EXOC4: variants seen among roughly 807,000 people sequenced by gnomAD.
The protein encoded by EXOC4 is exocyst complex component 4, also known as SEC8-like 1.
Under a neutral mutation model 107.2 loss-of-function variants are expected in EXOC4, and 71 were observed. The ratio of observed to expected loss-of-function variants is 0.66; its 90% CI spans 0.55 to 0.81. The LOEUF is 0.81. Ranked by LOEUF, EXOC4 falls within the 30% of genes least tolerant of loss-of-function variation. The probability of loss-of-function intolerance (pLI) is 0.00; values close to 1 mark genes in which losing one functional copy is unlikely to be tolerated. For synonymous variants in EXOC4, 456 were observed against 441.2 expected, an observed-to-expected ratio of 1.03 and a Z score of -0.42; for missense variants, 1,108 against 1,189.6, an observed-to-expected ratio of 0.93 and a Z score of 1.01.
chr7:133,557,154 T>C (rs935227345), intron 9 of EXOC4, among the ~76,000 whole-genome samples: 1 of 152,176 alleles, frequency 6.6e-6, no homozygotes, highest in Non-Finnish European at 1.5e-5. Context: ...TTTCTTTAAC[T>C]AGCTATTAGA....
At chr7:133,868,002 C>A (rs1205135507) in intron 11 of EXOC4, among the ~76,000 whole-genome samples, 2 of 152,292 alleles carry the variant, frequency 1.3e-5, no homozygotes, top group African/African-American at 4.8e-5. Flanking sequence ...TTGCCAAGAA[C>A]ACAGAAGGTA....
chr7:133,445,529 A>G (rs557767693), intron 7 of EXOC4, among the ~76,000 whole-genome samples: 2 of 152,292 alleles, frequency 1.3e-5, no homozygotes, highest in African/African-American at 4.8e-5. Context: ...CCTTGGCCCC[A>G]TGTTAGATTC....
chr7:133,261,319 C>G (rs184019337), intron 1 of EXOC4, among the ~76,000 whole-genome samples: 1 of 148,902 alleles, frequency 6.7e-6, no homozygotes, highest in Admixed American at 6.7e-5. Flanking sequence ...CAGGCTGGAG[C>G]GCAGTAGTGT....
intron 9 of EXOC4, among the ~76,000 whole-genome samples, chr7:133,503,559 A>G (rs921694211): frequency 2.6e-5 from 4 of 152,168 alleles, no homozygotes; most frequent in Non-Finnish European, 4.4e-5. Flanking sequence ...TTGGGGAAAA[A>G]GGAAGAAAAC....
At chr7:133,869,737 C>G (rs372235299) in intron 11 of EXOC4, among the ~76,000 whole-genome samples, 1 of 152,118 alleles carries the variant, frequency 6.6e-6, no homozygotes, top group Non-Finnish European at 1.5e-5. Flanking sequence ...TTAAGGGGCA[C>G]GAGGGAACAG....
chr7:133,489,356 TAAG>T (rs1396970430), intron 9 of EXOC4, among the ~76,000 whole-genome samples: 2 of 152,208 alleles, frequency 1.3e-5, no homozygotes, highest in African/African-American at 2.4e-5. Context: ...AACAATTTTT[TAAG>T]AAGCCTCTTA....
intron 1 of EXOC4, among the ~76,000 whole-genome samples, chr7:133,259,602 A>G (rs888139526): frequency 3.3e-5 from 5 of 152,258 alleles, no homozygotes; most frequent in African/African-American, 9.6e-5. Context: ...AAATCACTCT[A>G]TTGTTTTAAA....
intron 10 of EXOC4, among the ~76,000 whole-genome samples, chr7:133,731,040 G>A (rs1331345180): frequency 6.6e-6 from 1 of 152,076 alleles, no homozygotes; most frequent in East Asian, 1.9e-4. Context: ...TAAAACTATA[G>A]ATTACATTTA....
intron 10 of EXOC4, among the ~76,000 whole-genome samples, chr7:133,713,304 G>A (rs1378094532): frequency 6.6e-6 from 1 of 152,138 alleles, no homozygotes; most frequent in Non-Finnish European, 1.5e-5. Context: ...TATGGACCAT[G>A]TTCATTCCTA....
At chr7:134,071,212 G>A (rs1008893002), downstream of EXOC4, among the ~76,000 whole-genome samples, 7 of 152,076 alleles carry the variant, frequency 4.6e-5, no homozygotes, top group African/African-American at 1.4e-4. Flanking sequence ...ACTAAGGCTC[G>A]GATTAAGGGC....
chr7:133,677,868 A>AT (rs1794099430), intron 10 of EXOC4, among the ~76,000 whole-genome samples: 1 of 152,122 alleles, frequency 6.6e-6, no homozygotes, highest in Non-Finnish European at 1.5e-5. Context: ...TGGTAGATAT[A>AT]TTTGAGAGAC....
intron 10 of EXOC4, among the ~76,000 whole-genome samples, chr7:133,697,220 T>C (rs1794555395): frequency 1.3e-5 from 2 of 152,206 alleles, no homozygotes; most frequent in Admixed American, 1.3e-4. Flanking sequence ...ATATATCATA[T>C]TCTTCCTTTT....
chr7:133,538,363 C>G (rs940479245), intron 9 of EXOC4, among the ~76,000 whole-genome samples: 2 of 152,122 alleles, frequency 1.3e-5, no homozygotes, highest in South Asian at 2.1e-4. Context: ...CCTTTCCATC[C>G]GTAGCTTGAC....
chr7:133,518,190 T>C (rs1799915426), intron 9 of EXOC4, among the ~76,000 whole-genome samples: 1 of 152,004 alleles, frequency 6.6e-6, no homozygotes. Flanking sequence ...CCAGATTTGA[T>C]GGGTGGAGAA....
intron 10 of EXOC4, among the ~76,000 whole-genome samples, chr7:133,724,698 A>G (rs1447207197): frequency 1.3e-5 from 2 of 152,240 alleles, no homozygotes; most frequent in African/African-American, 4.8e-5. Context: ...CTCATTAAGA[A>G]AGGGATCTCT....
At chr7:133,787,955 TTATATATTTATATATATATA>T (rs1296330369) in intron 10 of EXOC4, among the ~76,000 whole-genome samples, 85 of 31,644 alleles carry the variant, frequency 2.7e-3, no homozygotes, top group East Asian at 4.0e-3. Flanking sequence ...GTGCATATAT[TTATATATTTATATATATATA>T]TATATATATA....
At chr7:133,583,078 C>T (rs1055107970) in intron 9 of EXOC4, among the ~76,000 whole-genome samples, 7 of 152,172 alleles carry the variant, frequency 4.6e-5, no homozygotes, top group Non-Finnish European at 7.4e-5. Context: ...GTTGTACAGC[C>T]ACTGCTCCGT....
chr7:133,776,355 A>G (rs1319064423), intron 10 of EXOC4, among the ~76,000 whole-genome samples: 2 of 152,136 alleles, frequency 1.3e-5, no homozygotes, highest in African/African-American at 2.4e-5. Context: ...CATGGTTTGT[A>G]TGTTAGTTTC....
intron 17 of EXOC4, among the ~76,000 whole-genome samples, chr7:134,019,563 C>T (rs1279471863): frequency 6.7e-6 from 1 of 148,604 alleles, no homozygotes; most frequent in African/African-American, 2.6e-5. Context: ...GTCCCTGAAA[C>T]TCTATATTTA....
Sources: allele counts gnomAD v4.1 joint callset (sites outside exome capture counted in the v4.1 genomes callset), GRCh38; gene constraint gnomAD v4.1.1; transcripts MANE v1.5; gene names NCBI Gene and HGNC (gene_info 2026-07-23, HGNC 2026-07-21).